The following KLF12 variants were observed in gnomAD, a reference collection of about 807,000 sequenced individuals.
KLF12 encodes the protein Krueppel-like factor 12.
A neutral mutation model predicts 37.8 loss-of-function variants in KLF12; 9 were observed. The ratio of observed to expected loss-of-function variants is 0.24; its 90% CI spans 0.14 to 0.42. KLF12 has a LOEUF of 0.42. Ranked by LOEUF, KLF12 falls within the 10% of genes least tolerant of loss-of-function variation. The probability of loss-of-function intolerance (pLI) is 1.00; values close to 1 mark genes in which losing one functional copy is unlikely to be tolerated. For missense variants in KLF12, 411 were observed against 516.0 expected (o/e 0.80, Z 1.97); for synonymous variants, 208 against 202.1 (o/e 1.03, Z -0.25).
At chr13:74,292,199 C>G in the KLF12 span, among the ~76,000 whole-genome samples, 4 of 152,214 alleles carry the variant, frequency 2.6e-5, no homozygotes, top group East Asian at 3.9e-4. Flanking sequence ...CAAGAGCTCT[C>G]TCTCTAGTAA....
chr13:74,019,164 T>C (rs954713477), intron 1 of KLF12, among the ~76,000 whole-genome samples: 1 of 152,178 alleles, frequency 6.6e-6, no homozygotes, highest in Admixed American at 6.5e-5. Flanking sequence ...TACATATACA[T>C]AGGTAAATAA....
chr13:73,889,922 A>G lies in KLF12; in HGVS notation c.124-43549T>C, dbSNP rs1260864727. On this transcript the variant is annotated intron_variant, in intron 3 of 7. Coordinates refer to ENST00000377669, the MANE Select transcript of KLF12 (RefSeq NM_007249.5). ...TAGTTCTGCATTTTTAAATAAAAAA[A>G]GAACCTTAAAGCTGAATTTTGAAGC... is the stretch of plus-strand genomic sequence containing the variant. Among the ~76,000 whole-genome samples the G allele has an allele frequency of 2.0e-5, 3 of 152,172 alleles. No individual in the cohort carries two copies. In the East Asian group the frequency reaches 5.8e-4, roughly 29 times the overall value.
At chr13:73,728,448 C>T (rs1248809890) in intron 6 of KLF12, among the ~76,000 whole-genome samples, 2 of 152,116 alleles carry the variant, frequency 1.3e-5, no homozygotes, top group Non-Finnish European at 2.9e-5. Flanking sequence ...ATTTCTTTTT[C>T]TTAATTGCCT....
chr13:73,733,930 T>C (rs1425899438), intron 6 of KLF12, among the ~76,000 whole-genome samples: 2 of 152,156 alleles, frequency 1.3e-5, no homozygotes, highest in Non-Finnish European at 2.9e-5. Context: ...GGTCTCCTAT[T>C]TCACTTAGAA....
chr13:74,129,880 G>C (rs1878166989), intron 1 of KLF12, among the ~76,000 whole-genome samples: 1 of 152,132 alleles, frequency 6.6e-6, no homozygotes, highest in South Asian at 2.1e-4. Flanking sequence ...TAGAGAGAAA[G>C]TAACCATTTA....
intron 4 of KLF12, among the ~76,000 whole-genome samples, chr13:73,835,066 C>CT (rs57370625): frequency 0.039 from 5,597 of 142,806 alleles, 213 homozygotes; most frequent in African/African-American, 0.1. Flanking sequence ...GAAGTTAAAC[C>CT]TTTTTTTTTT....
chr13:73,835,214 T>A (rs1235533657), intron 4 of KLF12, among the ~76,000 whole-genome samples: 1 of 151,990 alleles, frequency 6.6e-6, no homozygotes, highest in African/African-American at 2.4e-5. Flanking sequence ...CTTGCAACAC[T>A]AAACTAGCTG....
chr13:73,972,992 T>C (rs1471915684), intron 2 of KLF12, among the ~76,000 whole-genome samples: 1 of 152,064 alleles, frequency 6.6e-6, no homozygotes, highest in Non-Finnish European at 1.5e-5. Flanking sequence ...GAAAGCCTAA[T>C]GAGGGGATAA....
chr13:74,035,178 G>A (rs1893216362), intron 1 of KLF12, among the ~76,000 whole-genome samples: 1 of 152,146 alleles, frequency 6.6e-6, no homozygotes, highest in South Asian at 2.1e-4. Flanking sequence ...ATGTAAAACA[G>A]TAGCATGTAG....
intron 1 of KLF12, among the ~76,000 whole-genome samples, chr13:74,081,766 C>A (rs753911413): frequency 6.6e-6 from 1 of 152,140 alleles, no homozygotes; most frequent in African/African-American, 2.4e-5. Context: ...TTTACAATAA[C>A]CTATTCTCCT....
In KLF12 at chr13:73,800,841, A is replaced by G. The variant is rs568237680; in HGVS notation, c.806+12311T>C. On this transcript the variant is annotated intron_variant, in intron 5 of 7. Transcript: ENST00000377669. ...CACTGGCAGGATTCTATTTTATTAT[A>G]TAAGTAAAAGTTTAGAATTCCTTTC... 7 of 152,274 alleles carry G rather than the reference A, an allele frequency of 4.6e-5. No homozygotes were observed. The South Asian group carries it at 1.0e-3, about 23-fold the overall frequency. The allele number at this position is 152,274 out of a possible 1,614,324, so 9.4% of individuals were successfully genotyped here.
chr13:73,793,034 G>A (rs1881775146), intron 5 of KLF12, among the ~76,000 whole-genome samples: 1 of 152,156 alleles, frequency 6.6e-6, no homozygotes, highest in Non-Finnish European at 1.5e-5. Flanking sequence ...TTATGTGAGT[G>A]GACATCTGCA....
At position 74,069,301 on chromosome 13, in the gene KLF12, C is replaced by G. The variant is rs186374385; in HGVS notation, c.-32+64438G>C. Among the ~76,000 whole-genome samples, 593 of 152,176 alleles carry G rather than the reference C, an allele frequency of 3.9e-3. 3 individuals are homozygous for G. The highest frequency in any genetic ancestry group is 7.1e-3 in the Admixed American group (108 of 15,276). Reference sequence around the variant, plus strand: ...CACAGGGCAGGACTTGACTATGCACCGATCCTGGAACAAATCCCCCGCGAA... The same window carrying G: ...CACAGGGCAGGACTTGACTATGCACGGATCCTGGAACAAATCCCCCGCGAA... On this transcript the variant is annotated intron_variant, in intron 1 of 7. Transcript: ENST00000377669.
At chr13:73,764,555 A>G (rs951395563) in intron 6 of KLF12, among the ~76,000 whole-genome samples, 2 of 152,146 alleles carry the variant, frequency 1.3e-5, no homozygotes, top group Non-Finnish European at 2.9e-5. Context: ...AATCCCCAAA[A>G]CTAATGTAAC....
chr13:74,163,662 A>G, the KLF12 span, among the ~76,000 whole-genome samples: 4 of 152,140 alleles, frequency 2.6e-5, no homozygotes, highest in African/African-American at 4.8e-5. Context: ...ATTTGACAGC[A>G]CAATAGGGTG....
chr13:74,197,938 A>G, the KLF12 span, among the ~76,000 whole-genome samples: 1 of 152,134 alleles, frequency 6.6e-6, no homozygotes, highest in Non-Finnish European at 1.5e-5. Context: ...CTTAAAAAAA[A>G]TTTTCTAGCA....
chr13:73,790,175 A>T (rs1408882718), intron 5 of KLF12, among the ~76,000 whole-genome samples: 1 of 152,216 alleles, frequency 6.6e-6, no homozygotes. Context: ...CAGGCCATAA[A>T]TGAAAAACAA....
At chr13:73,859,460 C>G (rs977322224) in intron 3 of KLF12, among the ~76,000 whole-genome samples, 3 of 152,132 alleles carry the variant, frequency 2.0e-5, no homozygotes, top group African/African-American at 4.8e-5. Context: ...AAAGACCTCC[C>G]GTCCTTATTG....
In KLF12 at chr13:73,750,670, C is replaced by T. The variant is rs1878682216; in HGVS notation, c.869+14268G>A. On this transcript the variant is annotated intron_variant, in intron 6 of 7. Transcript: ENST00000377669. ...TAAGTTCTGGGGTACATGTGCAGGA[C>T]ATGCAGGTTTGTTACATAGGTAAAT... Among the ~76,000 whole-genome samples the T allele has an allele frequency of 2.0e-5, 3 of 152,124 alleles. No individual in the cohort carries two copies. In the South Asian group the frequency reaches 6.2e-4, roughly 32 times the overall value.
Sources: allele counts gnomAD v4.1 joint callset (sites outside exome capture counted in the v4.1 genomes callset), GRCh38; gene constraint gnomAD v4.1.1; transcripts MANE v1.5; gene names NCBI Gene and HGNC (gene_info 2026-07-23, HGNC 2026-07-21).